The following DAPL1 variants were observed in gnomAD, a reference collection of about 807,000 sequenced individuals.
DAPL1 encodes the protein death-associated protein-like 1.
DAPL1 carries 17 observed loss-of-function variants against 12.9 expected under a neutral mutation model. The ratio of observed to expected loss-of-function variants is 1.32; its 90% confidence interval spans 0.90 to 1.98. The LOEUF (loss-of-function observed/expected upper bound fraction) is 1.98. Ranked by LOEUF, DAPL1 falls within the 30% of genes most tolerant of loss-of-function variation. The pLI, the probability that DAPL1 is intolerant of heterozygous loss-of-function variation, is 0.00. For missense variants in DAPL1, 157 were observed against 125.7 expected (o/e 1.25, Z -1.19); for synonymous variants, 51 against 42.0 (o/e 1.21, Z -0.82).
Position 158,795,331 on chromosome 2 carries a change from G to T in DAPL1, c.-42G>T, listed in dbSNP as rs1244639249. 1 of 1,551,232 alleles carries T rather than the reference G, an allele frequency of 6.4e-7. No homozygotes were observed. Among genetic ancestry groups the T allele is most frequent in the Admixed American group, 2.0e-5 (1 of 51,018 alleles). ...GTGGGGCAGCCACAGCTGGCATTCAGCCTCCAGAGCACCAGCACTGGCACT... is the reference window on the plus strand; with the variant it reads ...GTGGGGCAGCCACAGCTGGCATTCATCCTCCAGAGCACCAGCACTGGCACT... On this transcript the variant is annotated 5_prime_UTR_variant, in exon 1 of 4. Coordinates refer to ENST00000309950, the MANE Select transcript of DAPL1 (RefSeq NM_001017920.3).
At chr2:158,814,440 G>GA (rs1320055492) in intron 3 of DAPL1, among the ~76,000 whole-genome samples, 3 of 151,926 alleles carry the variant, frequency 2.0e-5, no homozygotes, top group Admixed American at 6.6e-5. Context: ...CATTGTAAAA[G>GA]AAAAAAAATT....
chr2:158,808,390 C>T (rs946787605), intron 3 of DAPL1, among the ~76,000 whole-genome samples: 3 of 152,174 alleles, frequency 2.0e-5, no homozygotes, highest in Non-Finnish European at 4.4e-5. Flanking sequence ...AGGGTTGTTA[C>T]GTGGAGACAA....
chr2:158,804,488 C>G, intron 2 of DAPL1, 119 bp downstream of exon 2: 8 of 614,396 alleles, frequency 1.3e-5, no homozygotes, highest in South Asian at 6.2e-5. Flanking sequence ...GAGAAGGGGG[C>G]AGGAGGGGGA....
At chr2:158,797,114 A>G (rs71421092) in intron 1 of DAPL1, among the ~76,000 whole-genome samples, 1 of 152,210 alleles carries the variant, frequency 6.6e-6, no homozygotes. Context: ...ACAGATCCCT[A>G]AAAGTGGGAA....
chr2:158,809,188 T>C (rs1361777905), intron 3 of DAPL1, among the ~76,000 whole-genome samples: 2 of 151,634 alleles, frequency 1.3e-5, no homozygotes, highest in African/African-American at 4.8e-5. Flanking sequence ...TGAAACTCCA[T>C]CTCTACTGAA....
chr2:158,813,703 T>C (rs183425606), intron 3 of DAPL1, among the ~76,000 whole-genome samples: 2,052 of 151,948 alleles, frequency 0.014, 20 homozygotes, highest in African/African-American at 0.032. Flanking sequence ...CTACAGTCGC[T>C]CGCCACCATG....
chr2:158,809,867 C>T (rs574052080), intron 3 of DAPL1, among the ~76,000 whole-genome samples: 3 of 152,212 alleles, frequency 2.0e-5, no homozygotes, highest in South Asian at 4.2e-4. Flanking sequence ...AAAATCTCAC[C>T]GAATCCATCA....
chr2:158,801,372 G>A (rs999095873), intron 1 of DAPL1, among the ~76,000 whole-genome samples: 5 of 152,166 alleles, frequency 3.3e-5, no homozygotes, highest in Non-Finnish European at 7.3e-5. Context: ...ATTCTTCTTA[G>A]CATTAAGCAA....
rs187956387 is a variant in DAPL1 at position 158,813,757 on chromosome 2, G to A, written c.208-1948G>A. 8.2e-3 allele frequency among the ~76,000 whole-genome samples: 1,240 copies of A among 152,034 alleles called. 23 individuals carry two copies. Among genetic ancestry groups the A allele is most frequent in the African/African-American group, 0.027 (1,128 of 41,504 alleles). ...TTTTTAGTAGAGATGGGGTTTCACC[G>A]TGTTAGCCAGGATGGTCTCGATCGC... On this transcript the variant is annotated intron_variant, in intron 3 of 3. Coordinates refer to ENST00000309950, the MANE Select transcript of DAPL1 (RefSeq NM_001017920.3).
At chr2:158,797,875 G>A (rs2059143734) in intron 1 of DAPL1, among the ~76,000 whole-genome samples, 2 of 151,896 alleles carry the variant, frequency 1.3e-5, no homozygotes, top group Non-Finnish European at 2.9e-5. Context: ...TCACTTTAAT[G>A]TATATTAATA....
rs1480352912 is a variant in DAPL1, at chr2:158,805,911, C to G, written c.147-1144C>G. Reference sequence around the variant, plus strand: ...GCGGAGCTTGAATCTTATGGACTTTCAGGGCCATTTTAAAAGAAAAATAAC... The same window carrying G: ...GCGGAGCTTGAATCTTATGGACTTTGAGGGCCATTTTAAAAGAAAAATAAC... On this transcript the variant is annotated intron_variant, in intron 2 of 3. Coordinates refer to ENST00000309950, the MANE Select transcript of DAPL1 (RefSeq NM_001017920.3). 1.3e-5 allele frequency among the ~76,000 whole-genome samples: 2 copies of G among 148,396 alleles called. 1 individual carries two copies. The highest frequency in any genetic ancestry group is 3.0e-5 in the Non-Finnish European group (2 of 66,276).
chr2:158,804,486 G>A, intron 2 of DAPL1, 117 bp downstream of exon 2: 1 of 695,818 alleles, frequency 1.4e-6, no homozygotes, highest in Non-Finnish European at 2.4e-6. Flanking sequence ...CAGAGAAGGG[G>A]GCAGGAGGGG....
intron 3 of DAPL1, among the ~76,000 whole-genome samples, chr2:158,808,156 G>A (rs372250442): frequency 2.0e-5 from 3 of 152,252 alleles, no homozygotes; most frequent in Non-Finnish European, 4.4e-5. Flanking sequence ...TATGGAAGGC[G>A]TTGGACAAAG....
chr2:158,811,241 C>A (rs534647720), intron 3 of DAPL1, among the ~76,000 whole-genome samples: 21 of 152,156 alleles, frequency 1.4e-4, no homozygotes, highest in Non-Finnish European at 2.8e-4. Context: ...CTATAAAAGG[C>A]ATCGCAAATT....
rs762972480 is a variant in DAPL1, at chr2:158,807,088, G to A, written c.180G>A (p.Leu60=). The A allele has an allele frequency of 1.2e-5, 20 of 1,611,090 alleles. No individual in the cohort carries two copies. The South Asian group carries it at 2.0e-4, about 16-fold the overall frequency. Residue 60 remains leucine (L), a synonymous_variant, in exon 3 of 4, where the codon CTG becomes CTA. Coordinates refer to ENST00000309950, the MANE Select transcript of DAPL1 (RefSeq NM_001017920.3). ...AIANVAKIQT[L]DALNDALEKL... is the part of the protein sequence containing the mutation. ...CAAATGTTGCCAAAATACAGACACT[G>A]GATGCCCTGAATGACGCACTGGAGA...
intron 2 of DAPL1, 57 bp from the exon 3 acceptor site, chr2:158,806,998 C>G: frequency 7.6e-7 from 1 of 1,313,214 alleles, no homozygotes; most frequent in Non-Finnish European, 1.1e-6. Context: ...AATCATGTGG[C>G]CTTTTCAGTG....
intron 3 of DAPL1, among the ~76,000 whole-genome samples, chr2:158,811,532 TC>T (rs1204305052): frequency 1.3e-5 from 2 of 152,166 alleles, no homozygotes; most frequent in African/African-American, 4.8e-5. Context: ...CTATCACACT[TC>T]TTTTGCTTTT....
intron 3 of DAPL1, among the ~76,000 whole-genome samples, chr2:158,808,272 C>T (rs530904207): frequency 6.6e-5 from 10 of 152,318 alleles, no homozygotes; most frequent in African/African-American, 2.4e-4. Flanking sequence ...CCTGGAACCC[C>T]ATTTGGCACT....
intron 3 of DAPL1, among the ~76,000 whole-genome samples, chr2:158,809,906 A>T (rs2059221624): frequency 6.6e-6 from 1 of 152,192 alleles, no homozygotes; most frequent in African/African-American, 2.4e-5. Flanking sequence ...AAGATTTCAC[A>T]ATAAAGGTCA....
Sources: allele counts gnomAD v4.1 joint callset (sites outside exome capture counted in the v4.1 genomes callset), GRCh38; gene constraint gnomAD v4.1.1; transcripts MANE v1.5; gene names NCBI Gene and HGNC (gene_info 2026-07-23, HGNC 2026-07-21).